Variants in IGBP1C observed in about 807,000 individuals in gnomAD.
The protein encoded by IGBP1C is IGBP1 family member C, also known as immunoglobulin-binding protein 1 family member C.
At chr17:58,663,944 G>A in the IGBP1C span, among the ~76,000 whole-genome samples, 6 of 152,142 alleles carry the variant, frequency 3.9e-5, no homozygotes, top group African/African-American at 9.7e-5. Flanking sequence ...TTGGGAGGCC[G>A]AGGTGCTGAT....
the IGBP1C span, among the ~76,000 whole-genome samples, chr17:58,681,808 A>C: frequency 2.5e-4 from 38 of 151,940 alleles, 1 homozygote; most frequent in Non-Finnish European, 4.3e-4. Context: ...ATGCCATTGC[A>C]CTCCAGCCTG....
At chr17:58,667,684 A>G in the IGBP1C span, among the ~76,000 whole-genome samples, 1 of 152,176 alleles carries the variant, frequency 6.6e-6, no homozygotes, top group East Asian at 1.9e-4. Context: ...CAGGAGTTCG[A>G]GACCAGCCTG....
chr17:58,661,244 T>A, the IGBP1C span: 1 of 794,842 alleles, frequency 1.3e-6, no homozygotes, highest in South Asian at 1.3e-5. Context: ...ACGATAGTAA[T>A]GGCACTGAGT....
the IGBP1C span, among the ~76,000 whole-genome samples, chr17:58,686,167 C>G: frequency 6.6e-6 from 1 of 151,960 alleles, no homozygotes; most frequent in African/African-American, 2.4e-5. Flanking sequence ...AACACCTTGT[C>G]TTTACAAAAA....
chr17:58,667,659 C>T, the IGBP1C span, among the ~76,000 whole-genome samples: 1 of 151,908 alleles, frequency 6.6e-6, no homozygotes, highest in Non-Finnish European at 1.5e-5. Context: ...CTGAGGTGGG[C>T]GAATCACTTG....
At chr17:58,678,879 C>T in the IGBP1C span, among the ~76,000 whole-genome samples, 2 of 148,402 alleles carry the variant, frequency 1.3e-5, no homozygotes, top group East Asian at 2.0e-4. Context: ...TGGAGCCAGG[C>T]GCCGTGGCTC....
the IGBP1C span, among the ~76,000 whole-genome samples, chr17:58,673,437 C>G: frequency 6.6e-6 from 1 of 151,200 alleles, no homozygotes; most frequent in East Asian, 2.0e-4. Context: ...GAGCCGAGAT[C>G]ACGCCACTGC....
the IGBP1C span, among the ~76,000 whole-genome samples, chr17:58,665,989 C>T: frequency 1.3e-5 from 2 of 150,104 alleles, no homozygotes; most frequent in Non-Finnish European, 2.9e-5. Flanking sequence ...GCGGAGGTTG[C>T]AGTGAGCCGA....
chr17:58,683,597 T>C, the IGBP1C span, among the ~76,000 whole-genome samples: 2 of 148,172 alleles, frequency 1.3e-5, no homozygotes, highest in Non-Finnish European at 3.0e-5. Context: ...AACCTGTCTC[T>C]ACTAAAAATA....
At chr17:58,671,947 G>C in the IGBP1C span, among the ~76,000 whole-genome samples, 1 of 151,996 alleles carries the variant, frequency 6.6e-6, no homozygotes, top group Non-Finnish European at 1.5e-5. Context: ...CTCTATCTTA[G>C]AGGCTCCCAA....
chr17:58,661,021 T>G, the IGBP1C span: 1 of 1,158,178 alleles, frequency 8.6e-7, no homozygotes, highest in Admixed American at 1.7e-5. Context: ...GAAGATAATA[T>G]TCACGAACAC....
chr17:58,673,015 A>G, the IGBP1C span, among the ~76,000 whole-genome samples: 1 of 152,050 alleles, frequency 6.6e-6, no homozygotes, highest in Non-Finnish European at 1.5e-5. Context: ...TACAGGCATG[A>G]GCCACCACGC....
chr17:58,690,147 G>T, the IGBP1C span, among the ~76,000 whole-genome samples: 134 of 150,344 alleles, frequency 8.9e-4, no homozygotes, highest in East Asian at 0.016. Flanking sequence ...TTGAGTGGGG[G>T]TTTTTTTGTT....
the IGBP1C span, among the ~76,000 whole-genome samples, chr17:58,680,690 C>T: frequency 6.6e-6 from 1 of 152,072 alleles, no homozygotes; most frequent in African/African-American, 2.4e-5. Flanking sequence ...GAGCTGAGAT[C>T]ACGCCGCTGC....
At chr17:58,681,481 T>G in the IGBP1C span, among the ~76,000 whole-genome samples, 1 of 152,176 alleles carries the variant, frequency 6.6e-6, no homozygotes, top group Non-Finnish European at 1.5e-5. Flanking sequence ...AATATATATA[T>G]ACATACACAC....
At chr17:58,665,287 C>T in the IGBP1C span, among the ~76,000 whole-genome samples, 6 of 151,900 alleles carry the variant, frequency 3.9e-5, no homozygotes, top group Admixed American at 6.6e-5. Context: ...TCATCAGGCC[C>T]GGCCCACATG....
the IGBP1C span, among the ~76,000 whole-genome samples, chr17:58,684,476 A>C: frequency 6.6e-6 from 1 of 151,166 alleles, no homozygotes; most frequent in Non-Finnish European, 1.5e-5. Flanking sequence ...AAAAAAAAAA[A>C]TTGCTTCCAT....
the IGBP1C span, among the ~76,000 whole-genome samples, chr17:58,683,371 C>T: frequency 1.4e-5 from 2 of 143,230 alleles, no homozygotes; most frequent in African/African-American, 5.2e-5. Context: ...AGACTCCATC[C>T]CCCCCCCCAA....
chr17:58,690,601 G>A, the IGBP1C span, among the ~76,000 whole-genome samples: 1 of 152,156 alleles, frequency 6.6e-6, no homozygotes, highest in African/African-American at 2.4e-5. Context: ...AAGAATCTGG[G>A]TGCTTTATAA....
Sources: gnomAD v4.1 joint callset for allele counts (sites outside exome capture counted in the v4.1 genomes callset) on GRCh38, gnomAD v4.1.1 for gene constraint, MANE v1.5 for transcripts, NCBI Gene and HGNC (gene_info 2026-07-23, HGNC 2026-07-21) for gene names.